RGS6: variants seen among roughly 807,000 people sequenced by gnomAD.
RGS6 encodes the protein regulator of G protein signaling 6.
RGS6 carries 30 observed loss-of-function variants against 78.5 expected under a neutral mutation model. The observed-to-expected ratio is 0.38, with a 90% CI of 0.29 to 0.52. The LOEUF is 0.52. RGS6 is among the 20% of genes least tolerant of loss of function. The pLI is 0.85. For synonymous variants in RGS6, 206 were observed against 206.0 expected (o/e 1.00, Z 0.00); for missense variants, 495 against 609.7 (o/e 0.81, Z 1.98).
At chr14:72,095,019 T>C (rs1004319828) in intron 2 of RGS6, among the ~76,000 whole-genome samples, 6 of 152,280 alleles carry the variant, frequency 3.9e-5, no homozygotes, top group African/African-American at 1.2e-4. Flanking sequence ...GCCTGAGTAG[T>C]TGGCTCTTCC....
chr14:72,105,015 G>C (rs2095604679), intron 2 of RGS6, among the ~76,000 whole-genome samples: 1 of 152,182 alleles, frequency 6.6e-6, no homozygotes, highest in African/African-American at 2.4e-5. Flanking sequence ...TTGGTCTCTA[G>C]TCTAGTCACT....
chr14:72,044,360 C>T (rs983025780), intron 2 of RGS6, among the ~76,000 whole-genome samples: 8 of 152,268 alleles, frequency 5.3e-5, no homozygotes, highest in Admixed American at 5.2e-4. Context: ...TTTGAATCAG[C>T]GTACTGAATA....
intron 2 of RGS6, among the ~76,000 whole-genome samples, chr14:72,070,639 C>T (rs998467223): frequency 2.0e-5 from 3 of 152,174 alleles, no homozygotes; most frequent in East Asian, 1.9e-4. Flanking sequence ...ATCCTGTGGG[C>T]AGGGCTTCTG....
chr14:72,333,548 C>T (rs1296100672), intron 2 of RGS6, among the ~76,000 whole-genome samples: 4 of 152,254 alleles, frequency 2.6e-5, no homozygotes, highest in Admixed American at 2.6e-4. Flanking sequence ...GCTGTATTTA[C>T]TCGGTTGGCA....
chr14:71,871,387 C>T, the RGS6 span, among the ~76,000 whole-genome samples: 6 of 152,180 alleles, frequency 3.9e-5, no homozygotes, highest in Middle Eastern at 3.2e-3. Context: ...CATAAATCTC[C>T]TTATTGTTAT....
chr14:72,104,354 T>C (rs1175723892), intron 2 of RGS6, among the ~76,000 whole-genome samples: 1 of 152,246 alleles, frequency 6.6e-6, no homozygotes, highest in Non-Finnish European at 1.5e-5. Flanking sequence ...AGAAAAGCAG[T>C]CTTGTGAATT....
At position 72,026,329 on chromosome 14, in the gene RGS6, C is replaced by CCCAG. The variant is rs535624964; in HGVS notation, c.84+61455_84+61458dup. ...GGCTGAGGCAGAAGAATCGCTTGAA[C>CCCAG]CCAGGAGGCAGAGGTTGCAGTGAGC... On this transcript the variant is annotated intron_variant, in intron 2 of 17. Coordinates refer to ENST00000553525, the MANE Select transcript of RGS6 (RefSeq NM_001204424.2). 7.4e-4 allele frequency among the ~76,000 whole-genome samples: 113 copies of CCCAG among 152,204 alleles called. 3 individuals carry two copies. In the South Asian group the frequency reaches 0.023, roughly 31 times the overall value.
intron 2 of RGS6, among the ~76,000 whole-genome samples, chr14:72,316,766 T>C (rs185295059): frequency 6.6e-6 from 1 of 152,200 alleles, no homozygotes; most frequent in Non-Finnish European, 1.5e-5. Flanking sequence ...CAATCATTGA[T>C]TGGCATTATT....
the RGS6 span, among the ~76,000 whole-genome samples, chr14:72,573,537 C>A: frequency 6.6e-6 from 1 of 152,226 alleles, no homozygotes; most frequent in African/African-American, 2.4e-5. Context: ...ACCACTGAAC[C>A]AGATGCCCCT....
At chr14:71,985,378 T>A (rs1231624446) in intron 2 of RGS6, among the ~76,000 whole-genome samples, 3 of 152,228 alleles carry the variant, frequency 2.0e-5, no homozygotes, top group Non-Finnish European at 4.4e-5. Context: ...CACCTTGGCC[T>A]CCCAGAGTGC....
At chr14:72,459,174 C>G (rs911381432) in intron 5 of RGS6, among the ~76,000 whole-genome samples, 4 of 152,156 alleles carry the variant, frequency 2.6e-5, no homozygotes, top group African/African-American at 9.7e-5. Flanking sequence ...TAATCACCCT[C>G]CCCACCCATT....
intron 2 of RGS6, among the ~76,000 whole-genome samples, chr14:72,002,547 A>C (rs1309119633): frequency 6.6e-6 from 1 of 152,106 alleles, no homozygotes; most frequent in Non-Finnish European, 1.5e-5. Flanking sequence ...GCCTTTATTG[A>C]ATGGAAGTCT....
At chr14:72,141,565 T>C (rs1357368897) in intron 2 of RGS6, among the ~76,000 whole-genome samples, 2 of 152,192 alleles carry the variant, frequency 1.3e-5, no homozygotes, top group Non-Finnish European at 2.9e-5. Flanking sequence ...ATAAACCTTG[T>C]GGTTGTCATG....
At chr14:72,188,018 A>G (rs2097270588) in intron 2 of RGS6, among the ~76,000 whole-genome samples, 1 of 151,588 alleles carries the variant, frequency 6.6e-6, no homozygotes. Context: ...ACATTTTAAA[A>G]CATTTTTCTG....
intron 2 of RGS6, among the ~76,000 whole-genome samples, chr14:72,250,879 C>G (rs2055577364): frequency 6.6e-6 from 1 of 152,176 alleles, no homozygotes; most frequent in South Asian, 2.1e-4. Flanking sequence ...CCCTCCCCCT[C>G]TGAAGGTTCA....
At chr14:72,090,492 G>T (rs2095231676) in intron 2 of RGS6, among the ~76,000 whole-genome samples, 1 of 152,104 alleles carries the variant, frequency 6.6e-6, no homozygotes, top group Admixed American at 6.5e-5. Flanking sequence ...AATGCCTGGT[G>T]GTCTGTCCCT....
At chr14:72,257,646 TAAAATAACAAAGAAA>T (rs1205852586) in intron 2 of RGS6, among the ~76,000 whole-genome samples, 1 of 152,012 alleles carries the variant, frequency 6.6e-6, no homozygotes, top group Non-Finnish European at 1.5e-5. Flanking sequence ...GAATCTAATA[TAAAATAACAAAGAAA>T]AAAATAACAA....
chr14:72,075,321 A>G (rs1056582943), intron 2 of RGS6, among the ~76,000 whole-genome samples: 3 of 152,152 alleles, frequency 2.0e-5, no homozygotes, highest in African/African-American at 4.8e-5. Context: ...CTTATTTCCT[A>G]TATTCATTTA....
intron 13 of RGS6, among the ~76,000 whole-genome samples, chr14:72,509,215 A>C (rs1242812040): frequency 6.6e-6 from 1 of 151,874 alleles, no homozygotes; most frequent in African/African-American, 2.4e-5. Flanking sequence ...ATACAAAAAA[A>C]TTAGCCAGAC....
Sources: gnomAD v4.1 joint callset for allele counts (sites outside exome capture counted in the v4.1 genomes callset) on GRCh38, gnomAD v4.1.1 for gene constraint, MANE v1.5 for transcripts, NCBI Gene and HGNC (gene_info 2026-07-23, HGNC 2026-07-21) for gene names.